SEPTIN7: variants seen among roughly 807,000 people sequenced by gnomAD.
SEPTIN7 encodes septin 7, also known as septin-7.
In SEPTIN7, 10 loss-of-function variants were observed where a neutral mutation model predicts 63.3. The ratio of observed to expected loss-of-function variants is 0.16; its 90% CI spans 0.10 to 0.27. The LOEUF (loss-of-function observed/expected upper bound fraction) is 0.27. SEPTIN7 is among the 10% of genes least tolerant of loss of function. SEPTIN7 has a pLI of 1.00. For synonymous variants in SEPTIN7, 131 were observed against 165.3 expected, an observed-to-expected ratio of 0.79 and a Z score of 1.59; for missense variants, 310 against 521.0, an observed-to-expected ratio of 0.59 and a Z score of 3.94.
upstream of SEPTIN7, chr7:35,800,996 C>G (rs1787909312): frequency 4.5e-6 from 2 of 446,466 alleles, no homozygotes; most frequent in South Asian, 4.2e-5. Context: ...GAGATGGAAG[C>G]CAGCCTCCGC....
downstream of SEPTIN7, among the ~76,000 whole-genome samples, chr7:35,908,264 T>C (rs1198791646): frequency 6.6e-6 from 1 of 152,208 alleles, no homozygotes; most frequent in Non-Finnish European, 1.5e-5. Context: ...GTTCAAAGTT[T>C]AGTGTCAGCC....
At chr7:35,837,076 C>T (rs1440503892) in intron 3 of SEPTIN7, among the ~76,000 whole-genome samples, 1 of 152,104 alleles carries the variant, frequency 6.6e-6, no homozygotes, top group African/African-American at 2.4e-5. Flanking sequence ...TTCCACATGT[C>T]CACTATTTTA....
At chr7:35,839,880 C>A (rs1784322154) in intron 3 of SEPTIN7, among the ~76,000 whole-genome samples, 2 of 152,054 alleles carry the variant, frequency 1.3e-5, no homozygotes, top group Non-Finnish European at 2.9e-5. Flanking sequence ...CTGATGGACA[C>A]TAGGTTTGTT....
intron 1 of SEPTIN7, among the ~76,000 whole-genome samples, chr7:35,825,252 C>CT (rs996913572): frequency 6.6e-6 from 1 of 152,174 alleles, no homozygotes; most frequent in African/African-American, 2.4e-5. Context: ...AAGATGAAGT[C>CT]TAAGTTCCTA....
At chr7:35,841,548 G>C (rs1784408742) in intron 3 of SEPTIN7, among the ~76,000 whole-genome samples, 1 of 152,212 alleles carries the variant, frequency 6.6e-6, no homozygotes, top group Admixed American at 6.5e-5. Context: ...GGATGGTCAT[G>C]TTTGTCAGAC....
At chr7:35,881,472 C>G (rs182032522) in intron 7 of SEPTIN7, among the ~76,000 whole-genome samples, 1 of 151,172 alleles carries the variant, frequency 6.6e-6, no homozygotes, top group East Asian at 1.9e-4. Context: ...TTCTCGTCAT[C>G]ATGTATTTGT....
At chr7:35,833,542 C>G (rs550750735) in intron 3 of SEPTIN7, among the ~76,000 whole-genome samples, 1 of 152,050 alleles carries the variant, frequency 6.6e-6, no homozygotes, top group South Asian at 2.1e-4. Context: ...CTGTGTCTTT[C>G]CCATCTATAA....
chr7:35,821,877 C>T (rs990389579), intron 1 of SEPTIN7, among the ~76,000 whole-genome samples: 1 of 152,166 alleles, frequency 6.6e-6, no homozygotes, highest in Non-Finnish European at 1.5e-5. Flanking sequence ...CTCCGGGGTT[C>T]AGATGATTCT....
chr7:35,808,736 T>C (rs143164794), intron 1 of SEPTIN7, among the ~76,000 whole-genome samples: 1 of 152,362 alleles, frequency 6.6e-6, no homozygotes, highest in Non-Finnish European at 1.5e-5. Flanking sequence ...ATACCATTAC[T>C]AGTGATTAAG....
Position 35,896,371 on chromosome 7 carries a change from T to C in SEPTIN7, c.999-1877T>C, listed in dbSNP as rs544176184. On this transcript the variant is annotated intron_variant, in intron 11 of 13. Coordinates refer to ENST00000350320, the MANE Select transcript of SEPTIN7 (RefSeq NM_001788.6). ...AGCAATCACAAAATTGTTTTTAGATTGTTTCTTTTTTAGAGACTAAAAAAG... is the reference window on the plus strand; with the variant it reads ...AGCAATCACAAAATTGTTTTTAGATCGTTTCTTTTTTAGAGACTAAAAAAG... Among the ~76,000 whole-genome samples, 6 of 152,312 alleles carry C rather than the reference T, an allele frequency of 3.9e-5. No individual in the cohort carries two copies. The East Asian group carries it at 9.6e-4, about 24-fold the overall frequency.
At chr7:35,867,313 C>A (rs369019227) in intron 4 of SEPTIN7, among the ~76,000 whole-genome samples, 1 of 151,786 alleles carries the variant, frequency 6.6e-6, no homozygotes, top group Non-Finnish European at 1.5e-5. Flanking sequence ...AACAGTTAAC[C>A]GTTATTTTAT....
chr7:35,879,998 A>C, intron 7 of SEPTIN7, 58 bp downstream of exon 7: 1 of 948,358 alleles, frequency 1.1e-6, no homozygotes, highest in Non-Finnish European at 1.7e-6. Flanking sequence ...TGCAGTTTTT[A>C]CTATTTTTAG....
chr7:35,894,753 A>G (rs1247605565), intron 11 of SEPTIN7, among the ~76,000 whole-genome samples: 1 of 152,184 alleles, frequency 6.6e-6, no homozygotes, highest in African/African-American at 2.4e-5. Flanking sequence ...AAGTATGTAA[A>G]TCTACTTGCT....
chr7:35,856,112 A>G (rs1305040886), intron 3 of SEPTIN7, among the ~76,000 whole-genome samples: 1 of 152,242 alleles, frequency 6.6e-6, no homozygotes, highest in African/African-American at 2.4e-5. Flanking sequence ...CTTAGATTTC[A>G]CATATATTAC....
At chr7:35,807,351 ATTTTTTTTTTTTTTTT>A (rs70974769) in intron 1 of SEPTIN7, among the ~76,000 whole-genome samples, 1 of 22,188 alleles carries the variant, frequency 4.5e-5, no homozygotes, top group African/African-American at 2.3e-4. Flanking sequence ...GCCCGGCTGA[ATTTTTTTTTTTTTTTT>A]TTTTTTTTTT....
chr7:35,867,676 T>G (rs1785895069), intron 4 of SEPTIN7, among the ~76,000 whole-genome samples: 1 of 152,194 alleles, frequency 6.6e-6, no homozygotes, highest in South Asian at 2.1e-4. Context: ...TAAATCATAC[T>G]TCATGTCACT....
chr7:35,812,391 T>G (rs1213810719), intron 1 of SEPTIN7, among the ~76,000 whole-genome samples: 4 of 151,794 alleles, frequency 2.6e-5, no homozygotes, highest in African/African-American at 9.7e-5. Flanking sequence ...CCTTTCTTTT[T>G]GAAAGCTAAA....
chr7:35,900,906 C>G (rs1197004808), intron 12 of SEPTIN7: 1 of 152,172 alleles, frequency 6.6e-6, no homozygotes, highest in Non-Finnish European at 1.5e-5. Context: ...TAGGCATGCT[C>G]ATTCTAGATT....
intron 3 of SEPTIN7, among the ~76,000 whole-genome samples, chr7:35,836,526 T>C (rs1440013337): frequency 2.0e-5 from 3 of 152,200 alleles, no homozygotes; most frequent in Non-Finnish European, 4.4e-5. Context: ...CACATGTGTT[T>C]AGTGGCAGAT....
Sources: allele counts gnomAD v4.1 joint callset (sites outside exome capture counted in the v4.1 genomes callset), GRCh38; gene constraint gnomAD v4.1.1; transcripts MANE v1.5; gene names NCBI Gene and HGNC (gene_info 2026-07-23, HGNC 2026-07-21).